SLC44A5: variants seen among roughly 807,000 people sequenced by gnomAD.
SLC44A5 encodes the protein solute carrier family 44 member 5, also known as choline transporter-like protein 5.
In SLC44A5, 57 loss-of-function variants were observed where a neutral mutation model predicts 101.8. The ratio of observed to expected loss-of-function variants is 0.56; its 90% CI spans 0.45 to 0.70. The LOEUF (loss-of-function observed/expected upper bound fraction) is 0.70. Among genes scored for constraint, SLC44A5 ranks in the 30% least tolerant of loss-of-function variants. The pLI, the probability that SLC44A5 is intolerant of heterozygous loss-of-function variation, is 0.00. For synonymous variants in SLC44A5, 281 were observed against 290.9 expected, an observed-to-expected ratio of 0.97 and a Z score of 0.35; for missense variants, 737 against 853.1, an observed-to-expected ratio of 0.86 and a Z score of 1.70.
chr1:75,487,723 G>T (rs1028245861), intron 2 of SLC44A5, among the ~76,000 whole-genome samples: 1 of 152,118 alleles, frequency 6.6e-6, no homozygotes, highest in Middle Eastern at 3.2e-3. Flanking sequence ...TTGTGTGAAT[G>T]TCATAGAGTA....
chr1:75,396,589 CCTCTTCCT>C lies in SLC44A5; in HGVS notation c.38_45del (p.Glu13GlyfsTer4). On this transcript the variant is annotated frameshift_variant, in exon 3 of 24. Transcript: ENST00000370859. LOFTEE classifies it high-confidence loss of function. ...TACTCAGACTATGACTTACCAAAGT[CCTCTTCCT>C]CAGAGGGAGTATCTGCTGGTTTTTC... 1 of 1,612,404 alleles carries C rather than the reference CCTCTTCCT, an allele frequency of 6.2e-7. No homozygotes were observed. Among genetic ancestry groups the C allele is most frequent in the African/African-American group, 1.3e-5 (1 of 74,974 alleles).
At chr1:75,698,619 G>A in the SLC44A5 span, among the ~76,000 whole-genome samples, 1 of 152,228 alleles carries the variant, frequency 6.6e-6, no homozygotes, top group Non-Finnish European at 1.5e-5. Flanking sequence ...AAGGAACGCA[G>A]TTCCTCACCA....
At chr1:75,567,875 T>C (rs1454495157) in intron 1 of SLC44A5, among the ~76,000 whole-genome samples, 2 of 152,170 alleles carry the variant, frequency 1.3e-5, no homozygotes, top group African/African-American at 2.4e-5. Context: ...AGGAGAAAAA[T>C]AGAACACAGA....
At chr1:75,539,776 T>G (rs1671252734) in intron 2 of SLC44A5, among the ~76,000 whole-genome samples, 1 of 152,132 alleles carries the variant, frequency 6.6e-6, no homozygotes, top group Admixed American at 6.6e-5. Flanking sequence ...GAAACATTAA[T>G]TAGTGGAAAT....
At chr1:75,262,643 T>A (rs1191940543) in intron 6 of SLC44A5, among the ~76,000 whole-genome samples, 2 of 152,166 alleles carry the variant, frequency 1.3e-5, no homozygotes, top group Non-Finnish European at 2.9e-5. Flanking sequence ...TAAAAGTTCA[T>A]ATGGAACCAA....
chr1:75,593,443 T>C (rs1387203241), intron 1 of SLC44A5, among the ~76,000 whole-genome samples: 1 of 151,990 alleles, frequency 6.6e-6, no homozygotes, highest in East Asian at 1.9e-4. Context: ...CTCAAAAAAC[T>C]AAAAGTTGAG....
At chr1:75,496,530 AAG>A (rs1668680654) in intron 2 of SLC44A5, among the ~76,000 whole-genome samples, 1 of 152,042 alleles carries the variant, frequency 6.6e-6, no homozygotes, top group Non-Finnish European at 1.5e-5. Context: ...CATAGGGAAC[AAG>A]CTCTATGATG....
At chr1:75,246,907 G>A (rs1265224138) in intron 7 of SLC44A5, among the ~76,000 whole-genome samples, 3 of 152,034 alleles carry the variant, frequency 2.0e-5, no homozygotes, top group African/African-American at 7.2e-5. Flanking sequence ...AGAAAAGGGA[G>A]TAGAATAGGA....
chr1:75,429,802 G>A (rs1000837275), intron 2 of SLC44A5, among the ~76,000 whole-genome samples: 7 of 152,166 alleles, frequency 4.6e-5, no homozygotes, highest in Non-Finnish European at 1.0e-4. Context: ...TGCAAGGATG[G>A]CACCATGCTA....
In SLC44A5 at chr1:75,297,466, G is replaced by A. The variant is rs149164961; in HGVS notation, c.175+3146C>T. On this transcript the variant is annotated intron_variant, in intron 5 of 23. Coordinates refer to ENST00000370859, the MANE Select transcript of SLC44A5 (RefSeq NM_001130058.2). Reference sequence around the variant, plus strand: ...CACCTGGCTAATTTTTGTATTTCTCGTAGGGACAGGATTTTGCCATGTTGC... The same window carrying A: ...CACCTGGCTAATTTTTGTATTTCTCATAGGGACAGGATTTTGCCATGTTGC... 3.4e-3 allele frequency among the ~76,000 whole-genome samples: 523 copies of A among 152,076 alleles called. 2 individuals carry two copies. Among genetic ancestry groups the A allele is most frequent in the African/African-American group, 0.012 (502 of 41,494 alleles).
intron 3 of SLC44A5, among the ~76,000 whole-genome samples, chr1:75,365,011 T>C (rs1659758983): frequency 6.6e-6 from 1 of 152,186 alleles, no homozygotes; most frequent in East Asian, 1.9e-4. Flanking sequence ...TCTATTTACA[T>C]TTAAAGTTGA....
intron 2 of SLC44A5, among the ~76,000 whole-genome samples, chr1:75,461,792 C>T (rs1666514859): frequency 6.6e-6 from 1 of 152,138 alleles, no homozygotes; most frequent in South Asian, 2.1e-4. Flanking sequence ...TGCCAGTACT[C>T]CTCATGGCCT....
intron 1 of SLC44A5, among the ~76,000 whole-genome samples, chr1:75,590,304 C>T (rs1674275261): frequency 6.6e-6 from 1 of 152,116 alleles, no homozygotes; most frequent in Admixed American, 6.6e-5. Flanking sequence ...CAATTCTAGA[C>T]ATACCCTGGG....
chr1:75,323,065 A>G (rs1656293470), intron 4 of SLC44A5, among the ~76,000 whole-genome samples: 1 of 149,600 alleles, frequency 6.7e-6, no homozygotes, highest in African/African-American at 2.5e-5. Flanking sequence ...AGCATTAGGT[A>G]TATCTCCCAA....
At chr1:75,658,505 AAAT>A in the SLC44A5 span, among the ~76,000 whole-genome samples, 1 of 152,224 alleles carries the variant, frequency 6.6e-6, no homozygotes, top group Non-Finnish European at 1.5e-5. Context: ...CATGGAAAGT[AAAT>A]AATGTGCTCC....
the SLC44A5 span, among the ~76,000 whole-genome samples, chr1:75,707,170 T>A: frequency 1.3e-5 from 2 of 152,148 alleles, no homozygotes; most frequent in African/African-American, 4.8e-5. Context: ...AACAACAAAT[T>A]AATAAATGCC....
chr1:75,558,508 C>T (rs1444675421), intron 1 of SLC44A5, among the ~76,000 whole-genome samples: 2 of 152,040 alleles, frequency 1.3e-5, no homozygotes, highest in African/African-American at 4.8e-5. Context: ...CGTTGATTTG[C>T]CATTCCACTC....
At chr1:75,640,999 A>G in the SLC44A5 span, among the ~76,000 whole-genome samples, 1 of 152,110 alleles carries the variant, frequency 6.6e-6, no homozygotes, top group South Asian at 2.1e-4. Context: ...ATGACAAAAT[A>G]TTATAAAATC....
chr1:75,394,913 T>A (rs1243174625), intron 3 of SLC44A5, among the ~76,000 whole-genome samples: 1 of 152,044 alleles, frequency 6.6e-6, no homozygotes, highest in East Asian at 1.9e-4. Context: ...GAGATGCACT[T>A]TTAGTGGATG....
Sources: gnomAD v4.1 joint callset for allele counts (sites outside exome capture counted in the v4.1 genomes callset) on GRCh38, gnomAD v4.1.1 for gene constraint, MANE v1.5 for transcripts, NCBI Gene and HGNC (gene_info 2026-07-23, HGNC 2026-07-21) for gene names.